The following SBF2 variants were observed in gnomAD, a reference collection of about 807,000 sequenced individuals.
SBF2 encodes the protein SET binding factor 2.
In SBF2, 112 loss-of-function variants were observed where a neutral mutation model predicts 225.2. The observed-to-expected ratio is 0.50, with a 90% CI of 0.43 to 0.58. SBF2 has a LOEUF of 0.58. SBF2 is among the 20% of genes least tolerant of loss of function. The probability of loss-of-function intolerance (pLI) is 0.00; values close to 1 mark genes in which losing one functional copy is unlikely to be tolerated. For missense variants in SBF2, 1,996 were observed against 2,206.2 expected (o/e 0.90, Z 1.91); for synonymous variants, 763 against 773.3 (o/e 0.99, Z 0.22).
chr11:10,081,759 C>CA (rs59208091), intron 2 of SBF2, among the ~76,000 whole-genome samples: 59,271 of 120,182 alleles, frequency 0.49, 13,518 homozygotes, highest in Admixed American at 0.59. Flanking sequence ...GACTCCACCT[C>CA]AAAAAAAAAA....
At chr11:9,876,797 T>C (rs187722812) in intron 17 of SBF2, among the ~76,000 whole-genome samples, 2 of 152,308 alleles carry the variant, frequency 1.3e-5, no homozygotes, top group Non-Finnish European at 2.9e-5. Context: ...TAGAGTGCAG[T>C]GGGGCAATCT....
At chr11:9,873,297 A>C (rs1278225696) in intron 17 of SBF2, among the ~76,000 whole-genome samples, 4 of 152,146 alleles carry the variant, frequency 2.6e-5, no homozygotes, top group Non-Finnish European at 4.4e-5. Context: ...AGTACAGCAT[A>C]AAAATATTGG....
intron 38 of SBF2, among the ~76,000 whole-genome samples, chr11:9,783,842 A>G (rs925530724): frequency 2.0e-5 from 3 of 152,178 alleles, no homozygotes; most frequent in Non-Finnish European, 4.4e-5. Flanking sequence ...CTCCTTTAGT[A>G]ACCAGTACAG....
intron 15 of SBF2, among the ~76,000 whole-genome samples, chr11:9,962,730 G>A (rs1020567860): frequency 1.3e-5 from 2 of 152,144 alleles, no homozygotes; most frequent in South Asian, 2.1e-4. Context: ...CACCATGTAG[G>A]ACTTAGTTAA....
At chr11:10,032,044 G>C (rs1291780163) in intron 3 of SBF2, among the ~76,000 whole-genome samples, 1 of 152,182 alleles carries the variant, frequency 6.6e-6, no homozygotes, top group Non-Finnish European at 1.5e-5. Flanking sequence ...TTGGCTGAGA[G>C]AACATTTTTA....
intron 2 of SBF2, among the ~76,000 whole-genome samples, chr11:10,065,416 A>C (rs1431036216): frequency 6.6e-6 from 1 of 152,112 alleles, no homozygotes; most frequent in East Asian, 1.9e-4. Flanking sequence ...ATAAAAACAG[A>C]AATCAATAAA....
At chr11:9,916,026 T>C (rs1489729157) in intron 16 of SBF2, among the ~76,000 whole-genome samples, 1 of 152,190 alleles carries the variant, frequency 6.6e-6, no homozygotes, top group Non-Finnish European at 1.5e-5. Context: ...ATTGCACCAC[T>C]GTACTCCAGC....
chr11:9,832,510 G>A, intron 26 of SBF2, 90 bp from the exon 27 acceptor site: 1 of 884,258 alleles, frequency 1.1e-6, no homozygotes. Context: ...GAGGGAGACA[G>A]AGAATATAAG....
intron 1 of SBF2, among the ~76,000 whole-genome samples, chr11:10,248,799 G>A (rs560428352): frequency 6.6e-6 from 1 of 152,164 alleles, no homozygotes; most frequent in Non-Finnish European, 1.5e-5. Flanking sequence ...AATTAACCCT[G>A]TAAAACAAAT....
At chr11:10,287,695 T>C (rs752545060) in intron 1 of SBF2, among the ~76,000 whole-genome samples, 2 of 152,210 alleles carry the variant, frequency 1.3e-5, no homozygotes, top group African/African-American at 4.8e-5. Context: ...TTATTAGATA[T>C]TGTTATGGGA....
intron 2 of SBF2, among the ~76,000 whole-genome samples, chr11:10,065,325 C>T (rs1950589295): frequency 6.6e-6 from 1 of 151,880 alleles, no homozygotes; most frequent in Non-Finnish European, 1.5e-5. Context: ...AAGCTTCAAT[C>T]GATGAACTCA....
chr11:9,783,209 G>C (rs1852149150), intron 38 of SBF2: 1 of 152,112 alleles, frequency 6.6e-6, no homozygotes, highest in Admixed American at 6.6e-5. Flanking sequence ...CACAGTGTAG[G>C]CTCTATGATT....
At chr11:10,228,438 G>A (rs1958675720) in intron 1 of SBF2, among the ~76,000 whole-genome samples, 1 of 152,168 alleles carries the variant, frequency 6.6e-6, no homozygotes, top group African/African-American at 2.4e-5. Context: ...TGCCCATTCA[G>A]TATGATATTG....
At chr11:10,151,650 A>G (rs1457825237) in intron 2 of SBF2, among the ~76,000 whole-genome samples, 1 of 152,258 alleles carries the variant, frequency 6.6e-6, no homozygotes, top group African/African-American at 2.4e-5. Flanking sequence ...TTTTAGATTT[A>G]GAAGAAATGT....
chr11:9,947,293 C>T (rs1326387112), intron 16 of SBF2, among the ~76,000 whole-genome samples: 1 of 152,108 alleles, frequency 6.6e-6, no homozygotes, highest in Non-Finnish European at 1.5e-5. Flanking sequence ...GCTTTAGATT[C>T]CTATCACGAG....
At chr11:10,247,026 A>G (rs1395954818) in intron 1 of SBF2, among the ~76,000 whole-genome samples, 1 of 152,170 alleles carries the variant, frequency 6.6e-6, no homozygotes, top group Non-Finnish European at 1.5e-5. Flanking sequence ...GTTCGAAGTA[A>G]AAGTGTGCTA....
intron 28 of SBF2, among the ~76,000 whole-genome samples, chr11:9,823,399 G>T (rs1854883850): frequency 6.8e-6 from 1 of 146,532 alleles, no homozygotes; most frequent in Non-Finnish European, 1.5e-5. Context: ...AATAACATAA[G>T]AAAACTTGGA....
chr11:9,828,369 G>T, intron 28 of SBF2: 4 of 1,154,646 alleles, frequency 3.5e-6, no homozygotes, highest in Non-Finnish European at 2.2e-6. Flanking sequence ...AGATAACAAG[G>T]CAATGTTATT....
At chr11:10,172,120 T>C (rs1205363117) in intron 2 of SBF2, among the ~76,000 whole-genome samples, 1 of 152,144 alleles carries the variant, frequency 6.6e-6, no homozygotes, top group Non-Finnish European at 1.5e-5. Context: ...ATTGTTTTCT[T>C]AATTTCAATT....
Sources: allele counts gnomAD v4.1 joint callset (sites outside exome capture counted in the v4.1 genomes callset), GRCh38; gene constraint gnomAD v4.1.1; transcripts MANE v1.5; gene names NCBI Gene and HGNC (gene_info 2026-07-23, HGNC 2026-07-21).